The following FBXL7 variants were observed in gnomAD, a reference collection of about 807,000 sequenced individuals.
FBXL7 encodes F-box/LRR-repeat protein 7.
Under a neutral mutation model 38.3 loss-of-function variants are expected in FBXL7, and 12 were observed. The observed-to-expected ratio is 0.31, with a 90% CI of 0.20 to 0.51. The LOEUF (loss-of-function observed/expected upper bound fraction) is 0.51. Ranked by LOEUF, FBXL7 falls within the 20% of genes least tolerant of loss-of-function variation. The pLI is 0.98. For missense variants in FBXL7, 567 were observed against 676.4 expected, an observed-to-expected ratio of 0.84 and a Z score of 1.79; for synonymous variants, 297 against 300.9, an observed-to-expected ratio of 0.99 and a Z score of 0.13.
chr5:15,552,526 G>A (rs1738108447), intron 1 of FBXL7, among the ~76,000 whole-genome samples: 2 of 152,272 alleles, frequency 1.3e-5, no homozygotes, highest in African/African-American at 2.4e-5. Context: ...GGCCATTTCA[G>A]AGACAGTCTC....
chr5:15,918,759 A>G (rs752134295), intron 2 of FBXL7, among the ~76,000 whole-genome samples: 5 of 152,252 alleles, frequency 3.3e-5, no homozygotes, highest in Non-Finnish European at 4.4e-5. Flanking sequence ...CATGTGACCA[A>G]GAAAGCAGGT....
At chr5:15,878,515 A>C (rs1043140293) in intron 2 of FBXL7, among the ~76,000 whole-genome samples, 1 of 152,206 alleles carries the variant, frequency 6.6e-6, no homozygotes. Context: ...ACTTATCTTC[A>C]AACTATTTAT....
At chr5:15,587,252 C>T (rs1215949513) in intron 1 of FBXL7, among the ~76,000 whole-genome samples, 2 of 152,116 alleles carry the variant, frequency 1.3e-5, no homozygotes, top group Non-Finnish European at 2.9e-5. Context: ...ATGCTAAGAT[C>T]AGGGCCTTTT....
At chr5:15,793,873 A>G (rs1579467854) in intron 2 of FBXL7, among the ~76,000 whole-genome samples, 1 of 152,344 alleles carries the variant, frequency 6.6e-6, no homozygotes, top group Admixed American at 6.5e-5. Context: ...AAACACAGCA[A>G]CAACACAACT....
At chr5:15,858,813 T>C (rs1011670427) in intron 2 of FBXL7, among the ~76,000 whole-genome samples, 2 of 152,162 alleles carry the variant, frequency 1.3e-5, no homozygotes, top group African/African-American at 4.8e-5. Flanking sequence ...GATTTTACCA[T>C]TTTTCCACTT....
intron 1 of FBXL7, among the ~76,000 whole-genome samples, chr5:15,603,561 G>A (rs1434238933): frequency 6.6e-6 from 1 of 152,222 alleles, no homozygotes; most frequent in Non-Finnish European, 1.5e-5. Flanking sequence ...TCTCCACTCT[G>A]TGTAGGCAAT....
At chr5:15,761,057 A>G (rs771233670) in intron 2 of FBXL7, among the ~76,000 whole-genome samples, 3 of 152,026 alleles carry the variant, frequency 2.0e-5, no homozygotes, top group Non-Finnish European at 4.4e-5. Flanking sequence ...ACAGTCATTT[A>G]TTTTTCTTCT....
chr5:15,579,992 T>G (rs1402137329), intron 1 of FBXL7, among the ~76,000 whole-genome samples: 1 of 152,202 alleles, frequency 6.6e-6, no homozygotes. Context: ...CTGGGCATTT[T>G]ATTGGTTCCA....
At chr5:15,712,352 G>T (rs1435906261) in intron 2 of FBXL7, among the ~76,000 whole-genome samples, 1 of 140,954 alleles carries the variant, frequency 7.1e-6, no homozygotes. Context: ...TTAAAATAGT[G>T]AAAAAAAAAA....
In FBXL7 at chr5:15,715,759, A is replaced by C. The variant is rs116334112; in HGVS notation, c.127+99687A>C. Among the ~76,000 whole-genome samples, 243 of 152,260 alleles carry C rather than the reference A, an allele frequency of 1.6e-3. 2 individuals are homozygous for C. The highest frequency in any genetic ancestry group is 5.3e-3 in the African/African-American group (221 of 41,548). On this transcript the variant is annotated intron_variant, in intron 2 of 3. Coordinates refer to ENST00000504595, the MANE Select transcript of FBXL7 (RefSeq NM_012304.5). Reference sequence around the variant, plus strand: ...GTGCCTCATCATCATTTATTGTCTTAATTTGTGCTTCATAATAGCCTGGAA... The same window carrying C: ...GTGCCTCATCATCATTTATTGTCTTCATTTGTGCTTCATAATAGCCTGGAA...
rs79253024 is a variant in FBXL7 at position 15,923,764 on chromosome 5, G to C, written c.128-4126G>C. Among the ~76,000 whole-genome samples, 831 of 152,262 alleles carry C rather than the reference G, an allele frequency of 5.5e-3. 4 individuals are homozygous for C. The highest frequency in any genetic ancestry group is 0.019 in the African/African-American group (791 of 41,538). Reference sequence around the variant, plus strand: ...GGAAGGAATCAGAGACTCTTGGTGTGTCTTCTGGTAAAAGAGACATCCAGC... The same window carrying C: ...GGAAGGAATCAGAGACTCTTGGTGTCTCTTCTGGTAAAAGAGACATCCAGC... On this transcript the variant is annotated intron_variant, in intron 2 of 3. Coordinates refer to ENST00000504595, the MANE Select transcript of FBXL7 (RefSeq NM_012304.5).
intron 3 of FBXL7, among the ~76,000 whole-genome samples, chr5:15,934,035 T>C (rs1167554815): frequency 6.6e-6 from 1 of 152,210 alleles, no homozygotes; most frequent in African/African-American, 2.4e-5. Flanking sequence ...GATCAAGTCT[T>C]GCCCTGTCAC....
chr5:15,933,958 T>C (rs1292339359), intron 3 of FBXL7, among the ~76,000 whole-genome samples: 1 of 152,146 alleles, frequency 6.6e-6, no homozygotes, highest in East Asian at 1.9e-4. Context: ...AAAATATACA[T>C]TTATTTATAA....
intron 2 of FBXL7, among the ~76,000 whole-genome samples, chr5:15,898,001 G>C (rs981615743): frequency 6.6e-6 from 1 of 152,282 alleles, no homozygotes; most frequent in South Asian, 2.1e-4. Context: ...ATGCAAATGC[G>C]ATAGACTTAG....
intron 2 of FBXL7, among the ~76,000 whole-genome samples, chr5:15,882,898 TAA>T (rs145120087): frequency 0.046 from 7,018 of 152,034 alleles, 530 homozygotes; most frequent in African/African-American, 0.16. Flanking sequence ...GAAAATAATA[TAA>T]GAGTATTTTT....
chr5:15,592,796 T>A (rs1440285605), intron 1 of FBXL7, among the ~76,000 whole-genome samples: 1 of 152,220 alleles, frequency 6.6e-6, no homozygotes, highest in Admixed American at 6.5e-5. Context: ...AGAAGTTTTA[T>A]TAGTGAGAGG....
chr5:15,928,029 C>CGGGGGGGGGGGGGGGGGCCGGGGGG lies in FBXL7; in HGVS notation c.267_268insGGGGGGGGGGGGGGGGGCCGGGGGG (p.Ser90GlyfsTer151). ...CCGGGGAGACGGTGGCCATGGTGCA[C>CGGGGGGGGGGGGGGGGGCCGGGGGG]TCCCCGCCCCCGACCCGCCTCACAC... On this transcript the variant is annotated frameshift_variant, in exon 3 of 4. Transcript: ENST00000504595. LOFTEE classifies it high-confidence loss of function. The surrounding 1 kb of genome is among the most constrained non-coding windows in gnomAD (Gnocchi z 4.0). 1 of 1,398,772 alleles carries CGGGGGGGGGGGGGGGGGCCGGGGGG rather than the reference C, an allele frequency of 7.1e-7. No homozygotes were observed. The allele number at this position is 1,398,772 out of a possible 1,614,324, so 86.6% of individuals were successfully genotyped here. A position where few individuals can be genotyped will look rare whatever the true frequency, so the allele number is the denominator to read the frequency against.
chr5:15,561,458 A>G (rs1738414761), intron 1 of FBXL7, among the ~76,000 whole-genome samples: 1 of 152,144 alleles, frequency 6.6e-6, no homozygotes, highest in South Asian at 2.1e-4. Context: ...TTATGCATTC[A>G]TCCGCTGATG....
At chr5:15,780,479 C>A (rs1736965368) in intron 2 of FBXL7, among the ~76,000 whole-genome samples, 1 of 152,076 alleles carries the variant, frequency 6.6e-6, no homozygotes, top group Non-Finnish European at 1.5e-5. Context: ...AAACAGAAAA[C>A]AATTTGTTAG....
Sources: gnomAD v4.1 joint callset for allele counts (sites outside exome capture counted in the v4.1 genomes callset) on GRCh38, gnomAD v4.1.1 for gene constraint, Gnocchi (gnomAD v3.1) non-coding constraint, MANE v1.5 for transcripts, NCBI Gene and HGNC (gene_info 2026-07-23, HGNC 2026-07-21) for gene names.